The following ARID1A variants were observed in gnomAD, a reference collection of about 807,000 sequenced individuals.
ARID1A encodes the protein AT-rich interaction domain 1A.
In ARID1A, 20 loss-of-function variants were observed where a neutral mutation model predicts 212.6. The ratio of observed to expected loss-of-function variants is 0.09; its 90% CI spans 0.07 to 0.14. The LOEUF (loss-of-function observed/expected upper bound fraction) is 0.14. ARID1A is among the 10% of genes least tolerant of loss of function. The pLI, the probability that ARID1A is intolerant of heterozygous loss-of-function variation, is 1.00. For synonymous variants in ARID1A, 1,376 were observed against 1,222.1 expected (o/e 1.13, Z -2.63); for missense variants, 2,587 against 3,059.0 (o/e 0.85, Z 3.64).
chr1:26,753,455 A>C (rs887765455), intron 4 of ARID1A, among the ~76,000 whole-genome samples: 1 of 152,226 alleles, frequency 6.6e-6, no homozygotes, highest in African/African-American at 2.4e-5. Flanking sequence ...CAGTATTTCA[A>C]CTGAAGAAAT....
intron 4 of ARID1A, among the ~76,000 whole-genome samples, chr1:26,737,274 G>T (rs2080742997): frequency 6.6e-6 from 1 of 152,012 alleles, no homozygotes; most frequent in Admixed American, 6.6e-5. Flanking sequence ...GAGTCAACAT[G>T]CCCAGCTAAT....
At chr1:26,730,745 C>T (rs1183142115) in intron 2 of ARID1A, among the ~76,000 whole-genome samples, 1 of 152,162 alleles carries the variant, frequency 6.6e-6, no homozygotes, top group Non-Finnish European at 1.5e-5. Flanking sequence ...GTCTGAATTA[C>T]TAAACCTTAG....
intron 1 of ARID1A, among the ~76,000 whole-genome samples, chr1:26,706,413 GGTT>G (rs1277826553): frequency 1.3e-5 from 2 of 152,146 alleles, no homozygotes; most frequent in Non-Finnish European, 2.9e-5. Flanking sequence ...GGTGCTTGGG[GGTT>G]GTTGTGATAT....
chr1:26,762,395 A>G (rs2081000974), intron 7 of ARID1A, 76 bp downstream of exon 7: 10 of 1,497,578 alleles, frequency 6.7e-6, no homozygotes, highest in South Asian at 5.2e-5. Flanking sequence ...GTTGCCATCT[A>G]GCTTGTAACC....
Position 26,742,674 on chromosome 1 carries a change from A to C in ARID1A, c.1920+9882A>C, listed in dbSNP as rs187269529. 1.1e-4 allele frequency among the ~76,000 whole-genome samples: 17 copies of C among 152,282 alleles called. No individual in the cohort carries two copies. The East Asian group carries it at 3.3e-3, about 29-fold the overall frequency. The stretch of plus-strand genomic sequence containing the variant: ...AGCTGAGAGTAAAATTTTCAAATGA[A>C]ATATCAAGCTGGTAGGCCAGGCACG... On this transcript the variant is annotated intron_variant, in intron 4 of 19. Transcript: ENST00000324856.
At chr1:26,707,950 G>T (rs1206193557) in intron 1 of ARID1A, among the ~76,000 whole-genome samples, 1 of 152,054 alleles carries the variant, frequency 6.6e-6, no homozygotes, top group African/African-American at 2.4e-5. Context: ...AATTACTCAG[G>T]CACCAAGATT....
intron 4 of ARID1A, among the ~76,000 whole-genome samples, chr1:26,743,213 A>G (rs1408435803): frequency 6.6e-6 from 1 of 152,098 alleles, no homozygotes; most frequent in African/African-American, 2.4e-5. Flanking sequence ...TAAGCTCCTC[A>G]CAATTCCTGG....
rs371849101 is a variant in ARID1A, at chr1:26,772,650, G to A, written c.3539+18G>A. On this transcript the variant is annotated intron_variant, in intron 13 of 19. Transcript: ENST00000324856. ...GGCATGAGGTAAGGCCAAGAGCAGG[G>A]GCAGATGGTTGGGAGGATGGCTGAA... The A allele has an allele frequency of 6.0e-5, 97 of 1,614,100 alleles. No homozygotes were observed. The highest frequency in any genetic ancestry group is 8.0e-5 in the Non-Finnish European group (94 of 1,180,050).
At chr1:26,756,714 C>CT (rs1475200909) in intron 4 of ARID1A, among the ~76,000 whole-genome samples, 3 of 146,178 alleles carry the variant, frequency 2.1e-5, no homozygotes, top group African/African-American at 5.0e-5. Context: ...TTTTTTTTTT[C>CT]TTTTTTGAGA....
At chr1:26,723,873 A>G (rs2080590850) in intron 1 of ARID1A, among the ~76,000 whole-genome samples, 1 of 151,960 alleles carries the variant, frequency 6.6e-6, no homozygotes, top group Non-Finnish European at 1.5e-5. Flanking sequence ...TTCGGTGCCA[A>G]GATTGCTTTA....
At chr1:26,741,072 G>A (rs1437253571) in intron 4 of ARID1A, among the ~76,000 whole-genome samples, 2 of 152,178 alleles carry the variant, frequency 1.3e-5, no homozygotes, top group Non-Finnish European at 2.9e-5. Flanking sequence ...ACAAGTTTGC[G>A]AGTTACCTGT....
intron 4 of ARID1A, among the ~76,000 whole-genome samples, chr1:26,756,472 C>G (rs988417718): frequency 6.6e-6 from 1 of 151,354 alleles, no homozygotes; most frequent in Non-Finnish European, 1.5e-5. Context: ...AGGAGAATTA[C>G]TTGAACCAAG....
intron 10 of ARID1A, among the ~76,000 whole-genome samples, chr1:26,767,064 C>T (rs906382054): frequency 5.9e-5 from 9 of 152,150 alleles, no homozygotes; most frequent in African/African-American, 1.9e-4. Flanking sequence ...TTAGGCTGTG[C>T]GGTAGTAAAG....
chr1:26,775,512 C>T lies in ARID1A; in HGVS notation c.4994-65C>T, dbSNP rs558544955. On this transcript the variant is annotated intron_variant, in intron 18 of 19. Coordinates refer to ENST00000324856, the MANE Select transcript of ARID1A (RefSeq NM_006015.6). ...CTTCAGAGTAGCTTCACTGATGGGG[C>T]AGCCCTAGGGGTGCCTCCAGCCAAC... 3.8e-6 allele frequency: 6 copies of T among 1,597,434 alleles called. No individual in the cohort carries two copies. The South Asian group carries it at 4.5e-5, about 12-fold the overall frequency.
rs2080671834 is a variant in ARID1A, at chr1:26,731,109, T to C, written c.1351-43T>C. 4.5e-6 allele frequency: 7 copies of C among 1,566,738 alleles called. No individual in the cohort carries two copies. In the East Asian group the frequency reaches 1.3e-4, roughly 30 times the overall value. On this transcript the variant is annotated intron_variant, in intron 2 of 19. Coordinates refer to ENST00000324856, the MANE Select transcript of ARID1A (RefSeq NM_006015.6). ...TCACAAAACACTTCATCTTTCCTCA[T>C]GCAGGAGAGTCAGTGCTAAAAGTAT...
At position 26,779,779 on chromosome 1, in the gene ARID1A, A is replaced by G. The variant is rs2124143744; in HGVS notation, c.5881A>G (p.Ser1961Gly). The G allele has an allele frequency of 6.2e-7, 1 of 1,614,140 alleles. No individual in the cohort carries two copies. Among genetic ancestry groups the G allele is most frequent in the Middle Eastern group, 1.6e-4 (1 of 6,062 alleles). The change falls in exon 20 of 20, where the codon AGT becomes GGT. Residue 1961 changes from serine (S) to glycine (G), a missense_variant. By Grantham distance (56) the Ser-to-Gly change is moderately conservative. This residue lies in a region of ARID1A where 168 missense variants were observed against 321.0 expected (regional missense o/e 0.52). Coordinates refer to ENST00000324856, the MANE Select transcript of ARID1A (RefSeq NM_006015.6). ...NIKILEDEPHSKDETPLCTLL... is the reference protein window; with the variant it reads ...NIKILEDEPHGKDETPLCTLL... ...CAAGATCCTAGAGGACGAACCCCAC[A>G]GTAAGGATGAGACCCCACTGTGTAC... is the stretch of plus-strand genomic sequence containing the variant.
intron 4 of ARID1A, among the ~76,000 whole-genome samples, chr1:26,748,376 C>T (rs1279944102): frequency 6.6e-6 from 1 of 152,136 alleles, no homozygotes; most frequent in Non-Finnish European, 1.5e-5. Flanking sequence ...TTCCTGCCCT[C>T]TTTACTCAAG....
chr1:26,744,185 G>A (rs1455618774), intron 4 of ARID1A, among the ~76,000 whole-genome samples: 1 of 152,160 alleles, frequency 6.6e-6, no homozygotes, highest in Non-Finnish European at 1.5e-5. Context: ...TGGCCAATCC[G>A]CTTCTCCATC....
At chr1:26,750,325 T>G (rs1271614448) in intron 4 of ARID1A, among the ~76,000 whole-genome samples, 2 of 152,250 alleles carry the variant, frequency 1.3e-5, no homozygotes, top group East Asian at 3.9e-4. Context: ...AAAAACAATT[T>G]TAGCCTTTAG....
Sources: gnomAD v4.1 joint callset for allele counts (sites outside exome capture counted in the v4.1 genomes callset) on GRCh38, gnomAD v4.1.1 for gene constraint, gnomAD v4.1.1 regional missense constraint, MANE v1.5 for transcripts, NCBI Gene and HGNC (gene_info 2026-07-23, HGNC 2026-07-21) for gene names.